ERC1: variants seen among roughly 807,000 people sequenced by gnomAD.
ERC1 encodes the protein RAB6 interacting protein 2.
ERC1 carries 56 observed loss-of-function variants against 132.0 expected under a neutral mutation model. The ratio of observed to expected loss-of-function variants is 0.42; its 90% CI spans 0.34 to 0.53. ERC1 has a LOEUF of 0.53. ERC1 is among the 20% of genes least tolerant of loss of function. The probability of loss-of-function intolerance (pLI) is 0.03; values close to 1 mark genes in which losing one functional copy is unlikely to be tolerated. For synonymous variants in ERC1, 478 were observed against 476.1 expected, an observed-to-expected ratio of 1.00 and a Z score of -0.05; for missense variants, 1,202 against 1,349.9, an observed-to-expected ratio of 0.89 and a Z score of 1.72.
At chr12:1,216,948 T>C (rs1042963818) in intron 12 of ERC1, among the ~76,000 whole-genome samples, 3 of 152,188 alleles carry the variant, frequency 2.0e-5, no homozygotes, top group Admixed American at 2.0e-4. Flanking sequence ...TACACTTATT[T>C]CTCTTACTAT....
intron 15 of ERC1, among the ~76,000 whole-genome samples, chr12:1,306,744 T>C (rs1040952695): frequency 2.6e-5 from 4 of 152,212 alleles, no homozygotes; most frequent in South Asian, 2.1e-4. Flanking sequence ...TTTTTGTTTT[T>C]TGTTTTTTTT....
chr12:1,295,363 A>G (rs146736166), intron 15 of ERC1, among the ~76,000 whole-genome samples: 5 of 152,292 alleles, frequency 3.3e-5, no homozygotes, highest in African/African-American at 9.6e-5. Flanking sequence ...GAAGTAATTC[A>G]TATACAAGCA....
At position 1,104,343 on chromosome 12, in the gene ERC1, G is replaced by A. The variant is rs542509964; in HGVS notation, c.1087-407G>A. ...TTCCACAGCTGCAGTCAGCAATGCA[G>A]ACTGATTGTGATGGTATTTATTTCT... is the stretch of plus-strand genomic sequence containing the variant. On this transcript the variant is annotated intron_variant, in intron 3 of 18. Coordinates refer to ENST00000360905, the MANE Select transcript of ERC1 (RefSeq NM_178040.4). Among the ~76,000 whole-genome samples the A allele has an allele frequency of 2.0e-5, 3 of 152,284 alleles. No individual in the cohort carries two copies. In the South Asian group the frequency reaches 6.2e-4, roughly 32 times the overall value.
In ERC1 at chr12:1,493,548, A is replaced by AAATATATATATATATATATATATAT. The variant is rs56939346; in HGVS notation, c.*3319_*3320insATATATATATATATATATATATATA. ...ACTCCATTTAAAAAAAAAAAAAAAAAATATATATATATATATATATATATA... is the reference window on the plus strand; with the variant it reads ...ACTCCATTTAAAAAAAAAAAAAAAAAAATATATATATATATATATATATATATATATATATATATATATATATATA... On this transcript the variant is annotated 3_prime_UTR_variant, in exon 19 of 19. Coordinates refer to ENST00000360905, the MANE Select transcript of ERC1 (RefSeq NM_178040.4). 1 of 13,622 alleles carries AAATATATATATATATATATATATAT rather than the reference A, an allele frequency of 7.3e-5. No individual in the cohort carries two copies. Among genetic ancestry groups the AAATATATATATATATATATATATAT allele is most frequent in the Non-Finnish European group, 1.5e-4 (1 of 6,822 alleles). 0.8% of individuals were successfully genotyped at this position (13,622 alleles called of 1,614,324 possible).
intron 2 of ERC1, among the ~76,000 whole-genome samples, chr12:1,037,757 A>G (rs1395291024): frequency 6.6e-6 from 1 of 152,156 alleles, no homozygotes; most frequent in Non-Finnish European, 1.5e-5. Context: ...GAAAAAAGCT[A>G]TATCCGGCCT....
chr12:1,279,696 TA>T (rs1233404623), intron 14 of ERC1, among the ~76,000 whole-genome samples: 7 of 151,248 alleles, frequency 4.6e-5, no homozygotes, highest in Non-Finnish European at 1.0e-4. Context: ...TTTATTTATT[TA>T]TTTTTTTTTG....
At chr12:1,288,542 C>T (rs147692496) in intron 14 of ERC1, among the ~76,000 whole-genome samples, 1 of 152,344 alleles carries the variant, frequency 6.6e-6, no homozygotes, top group South Asian at 2.1e-4. Context: ...TGCTTACTAT[C>T]ATTGTTTAAC....
At chr12:1,117,740 T>C (rs1946604353) in intron 7 of ERC1, among the ~76,000 whole-genome samples, 1 of 152,258 alleles carries the variant, frequency 6.6e-6, no homozygotes, top group Non-Finnish European at 1.5e-5. Flanking sequence ...GTCATTGTTA[T>C]CATTTTATAA....
intron 15 of ERC1, among the ~76,000 whole-genome samples, chr12:1,362,493 G>A (rs1485573014): frequency 6.6e-6 from 1 of 151,910 alleles, no homozygotes; most frequent in Non-Finnish European, 1.5e-5. Context: ...TCGAAGAGCT[G>A]GAAAAGAGGA....
intron 16 of ERC1, among the ~76,000 whole-genome samples, chr12:1,407,629 C>T (rs1040775144): frequency 1.3e-5 from 2 of 152,074 alleles, no homozygotes; most frequent in African/African-American, 4.8e-5. Flanking sequence ...CAGTCTTAGC[C>T]CAAGCTGCCA....
At chr12:1,230,794 CTT>C (rs1433848550) in intron 12 of ERC1, among the ~76,000 whole-genome samples, 1 of 152,134 alleles carries the variant, frequency 6.6e-6, no homozygotes, top group Non-Finnish European at 1.5e-5. Context: ...GTAATATTCT[CTT>C]GATGAATTGA....
chr12:1,478,298 A>T (rs1238573022), intron 18 of ERC1, among the ~76,000 whole-genome samples: 1 of 152,218 alleles, frequency 6.6e-6, no homozygotes, highest in South Asian at 2.1e-4. Context: ...TTTCCTGATG[A>T]CTAATGAGTT....
chr12:1,195,886 C>T (rs1356151264), intron 12 of ERC1, among the ~76,000 whole-genome samples: 1 of 144,588 alleles, frequency 6.9e-6, no homozygotes, highest in Non-Finnish European at 1.5e-5. Context: ...CCCCCCCCCC[C>T]CTTTTTTTGT....
intron 15 of ERC1, among the ~76,000 whole-genome samples, chr12:1,360,499 A>G (rs2085986120): frequency 6.6e-6 from 1 of 152,220 alleles, no homozygotes. Flanking sequence ...ATAAATATGC[A>G]CTTACACTTC....
At chr12:1,468,891 T>C (rs1280285128) in intron 18 of ERC1, among the ~76,000 whole-genome samples, 2 of 152,108 alleles carry the variant, frequency 1.3e-5, no homozygotes, top group Non-Finnish European at 2.9e-5. Flanking sequence ...TTTCAGACCT[T>C]TTCCCACTAC....
intron 12 of ERC1, among the ~76,000 whole-genome samples, chr12:1,213,066 G>A (rs908067079): frequency 6.6e-6 from 1 of 152,070 alleles, no homozygotes; most frequent in African/African-American, 2.4e-5. Context: ...TAGTAATCCC[G>A]ATTCTGCCCT....
intron 2 of ERC1, among the ~76,000 whole-genome samples, chr12:1,040,390 T>C (rs529280473): frequency 4.0e-5 from 6 of 150,236 alleles, no homozygotes; most frequent in South Asian, 4.2e-4. Flanking sequence ...GGCGCAATAC[T>C]CCGCCTCCCG....
intron 2 of ERC1, among the ~76,000 whole-genome samples, chr12:1,056,882 A>G (rs1041764172): frequency 2.6e-5 from 4 of 152,118 alleles, no homozygotes; most frequent in South Asian, 2.1e-4. Context: ...CTTTTTGTTA[A>G]AAGGGGAAAT....
intron 13 of ERC1, among the ~76,000 whole-genome samples, chr12:1,245,232 A>G (rs1289548257): frequency 6.6e-6 from 1 of 152,210 alleles, no homozygotes; most frequent in African/African-American, 2.4e-5. Flanking sequence ...TTTCTTTGCT[A>G]TCATTTTTCT....
Sources: allele counts gnomAD v4.1 joint callset (sites outside exome capture counted in the v4.1 genomes callset), GRCh38; gene constraint gnomAD v4.1.1; transcripts MANE v1.5; gene names NCBI Gene and HGNC (gene_info 2026-07-23, HGNC 2026-07-21).